Variants in PRKG1 observed in about 807,000 individuals in gnomAD.
PRKG1 encodes the protein cGMP-dependent protein kinase 1.
In PRKG1, 35 loss-of-function variants were observed where a neutral mutation model predicts 88.1. The observed-to-expected ratio is 0.40, with a 90% CI of 0.30 to 0.53. PRKG1 has a LOEUF of 0.53. PRKG1 is among the 20% of genes least tolerant of loss of function. The probability of loss-of-function intolerance (pLI) is 0.59; values close to 1 mark genes in which losing one functional copy is unlikely to be tolerated. For missense variants in PRKG1, 540 were observed against 839.8 expected (o/e 0.64, Z 4.41); for synonymous variants, 303 against 292.5 (o/e 1.04, Z -0.37).
intron 1 of PRKG1, among the ~76,000 whole-genome samples, chr10:50,994,523 G>A (rs914601572): frequency 6.8e-6 from 1 of 147,666 alleles, no homozygotes; most frequent in Admixed American, 7.1e-5. Context: ...CCATTCTCCT[G>A]CCTCAGCCTC....
Position 52,070,208 on chromosome 10 carries a change from C to T in PRKG1, c.935+7577C>T, listed in dbSNP as rs571574706. On this transcript the variant is annotated intron_variant, in intron 7 of 17. Transcript: ENST00000373980. ...CTTTGCCCACTATTGCTCCTGTAACCCACCTCATTTCTTTTAGATTTATTC... is the reference window on the plus strand; with the variant it reads ...CTTTGCCCACTATTGCTCCTGTAACTCACCTCATTTCTTTTAGATTTATTC... Among the ~76,000 whole-genome samples, 9 of 152,244 alleles carry T rather than the reference C, an allele frequency of 5.9e-5. No individual in the cohort carries two copies. The East Asian group carries it at 1.7e-3, about 29-fold the overall frequency.
At chr10:52,036,106 G>A (rs184650124) in intron 5 of PRKG1, among the ~76,000 whole-genome samples, 62 of 152,248 alleles carry the variant, frequency 4.1e-4, no homozygotes, top group Middle Eastern at 3.4e-3. Flanking sequence ...GGGCTTGATT[G>A]AAGTAATAGG....
At chr10:51,282,941 A>C (rs1399108702) in intron 2 of PRKG1, among the ~76,000 whole-genome samples, 1 of 152,120 alleles carries the variant, frequency 6.6e-6, no homozygotes, top group Non-Finnish European at 1.5e-5. Flanking sequence ...GTTTGGGCTG[A>C]CTAAACTTTT....
At chr10:51,098,856 C>T (rs898880803) in intron 1 of PRKG1, among the ~76,000 whole-genome samples, 5 of 152,128 alleles carry the variant, frequency 3.3e-5, no homozygotes, top group Non-Finnish European at 5.9e-5. Flanking sequence ...TCTTCTTTAG[C>T]GAACTTTCCC....
intron 3 of PRKG1, among the ~76,000 whole-genome samples, chr10:51,713,824 C>G (rs1456213293): frequency 2.0e-5 from 3 of 152,102 alleles, no homozygotes; most frequent in Non-Finnish European, 4.4e-5. Flanking sequence ...TTGGGTCAGA[C>G]AGGGCAGCAA....
rs918622780 is a variant in PRKG1 at position 51,334,999 on chromosome 10, C to CTTTT, written c.479-132703_479-132700dup. 6.4e-3 allele frequency among the ~76,000 whole-genome samples: 505 copies of CTTTT among 78,776 alleles called. 6 individuals are homozygous for CTTTT. The highest frequency in any genetic ancestry group is 8.0e-3 in the African/African-American group (157 of 19,576). 51.7% of individuals were successfully genotyped at this position (78,776 alleles called of 152,430 possible). A position where few individuals can be genotyped will look rare whatever the true frequency, so the allele number is the denominator to read the frequency against. ...CAAAAAGGTTTTTCCTGTCAGGTTT[C>CTTTT]TTTTTTTTTTTTTTTTTTTTTTTTG... On this transcript the variant is annotated intron_variant, in intron 2 of 17. Coordinates refer to ENST00000373980, the MANE Select transcript of PRKG1 (RefSeq NM_006258.4).
At chr10:51,126,033 T>A (rs1267438477) in intron 1 of PRKG1, among the ~76,000 whole-genome samples, 1 of 124,266 alleles carries the variant, frequency 8.0e-6, no homozygotes, top group Non-Finnish European at 1.6e-5. Flanking sequence ...TATATAATTA[T>A]ATCTAATATA....
chr10:51,914,357 A>T (rs545807550), intron 5 of PRKG1, among the ~76,000 whole-genome samples: 1 of 152,352 alleles, frequency 6.6e-6, no homozygotes, highest in African/African-American at 2.4e-5. Flanking sequence ...TTAAAAGTCA[A>T]TTTGAATCAG....
chr10:51,026,352 G>T (rs1186171342), intron 1 of PRKG1, among the ~76,000 whole-genome samples: 1 of 152,178 alleles, frequency 6.6e-6, no homozygotes, highest in Non-Finnish European at 1.5e-5. Flanking sequence ...ATGGAACAGA[G>T]ACTGCCAGAT....
At chr10:51,697,417 T>C (rs1841324551) in intron 3 of PRKG1, 1 of 413,780 alleles carries the variant, frequency 2.4e-6, no homozygotes, top group Non-Finnish European at 4.3e-6. Context: ...GATGCTTCAA[T>C]ATTGCTGCTT....
chr10:51,244,864 C>G (rs911987270), intron 2 of PRKG1: 1 of 151,280 alleles, frequency 6.6e-6, no homozygotes, highest in Non-Finnish European at 1.5e-5. Flanking sequence ...TTTCTACAAC[C>G]GAGATTGTAT....
chr10:51,082,606 G>A (rs913918247), intron 1 of PRKG1, among the ~76,000 whole-genome samples: 6 of 152,086 alleles, frequency 3.9e-5, no homozygotes, highest in African/African-American at 1.2e-4. Flanking sequence ...TGTTGTGTGT[G>A]TACATTTGTG....
At chr10:51,228,694 G>A (rs1446620546) in intron 2 of PRKG1, among the ~76,000 whole-genome samples, 1 of 152,192 alleles carries the variant, frequency 6.6e-6, no homozygotes, top group Non-Finnish European at 1.5e-5. Flanking sequence ...TCAATTGCAT[G>A]TACGATGTAC....
In PRKG1 at chr10:51,665,190, G is replaced by A. The variant is rs61851532; in HGVS notation, c.593-139395G>A. On this transcript the variant is annotated intron_variant, in intron 3 of 17. Coordinates refer to ENST00000373980, the MANE Select transcript of PRKG1 (RefSeq NM_006258.4). ...ATCATGTAATGATTAGATGAGTTAAGCAAATAAAAATCTAAATTGCAGAGA... is the reference window on the plus strand; with the variant it reads ...ATCATGTAATGATTAGATGAGTTAAACAAATAAAAATCTAAATTGCAGAGA... Among the ~76,000 whole-genome samples, 501 of 152,124 alleles carry A rather than the reference G, an allele frequency of 3.3e-3. 2 individuals carry two copies. Among genetic ancestry groups the A allele is most frequent in the Non-Finnish European group, 5.5e-3 (376 of 68,000 alleles).
At chr10:52,029,921 T>A (rs1344967480) in intron 5 of PRKG1, among the ~76,000 whole-genome samples, 2 of 152,100 alleles carry the variant, frequency 1.3e-5, no homozygotes, top group East Asian at 3.9e-4. Context: ...TCCTGATATA[T>A]CATCTCATCA....
intron 1 of PRKG1, among the ~76,000 whole-genome samples, chr10:50,992,297 G>A (rs972626851): frequency 2.0e-5 from 3 of 152,172 alleles, no homozygotes; most frequent in South Asian, 2.1e-4. Flanking sequence ...TCACTTTCAA[G>A]GCAGCTGTGA....
intron 17 of PRKG1, among the ~76,000 whole-genome samples, chr10:52,291,714 C>T (rs369092837): frequency 6.7e-4 from 101 of 151,558 alleles, no homozygotes; most frequent in African/African-American, 2.0e-3. Flanking sequence ...AATAAACATA[C>T]GTGTGCATGT....
intron 3 of PRKG1, among the ~76,000 whole-genome samples, chr10:51,601,672 A>G (rs888587981): frequency 1.6e-5 from 2 of 125,438 alleles, no homozygotes; most frequent in Non-Finnish European, 3.4e-5. Flanking sequence ...CTTTTTAACC[A>G]TGTGTCATTT....
intron 14 of PRKG1, 120 bp downstream of exon 14, chr10:52,282,436 G>A: frequency 7.0e-6 from 7 of 1,002,918 alleles, no homozygotes; most frequent in Admixed American, 3.1e-5. Flanking sequence ...TGGTACCACA[G>A]TTTAATTAGT....
Sources: allele counts gnomAD v4.1 joint callset (sites outside exome capture counted in the v4.1 genomes callset), GRCh38; gene constraint gnomAD v4.1.1; transcripts MANE v1.5; gene names NCBI Gene and HGNC (gene_info 2026-07-23, HGNC 2026-07-21).